The following ALK variants were observed in gnomAD, a reference collection of about 807,000 sequenced individuals.
The protein encoded by ALK is ALK receptor tyrosine kinase, also known as ALK tyrosine kinase receptor.
Under a neutral mutation model 163.1 loss-of-function variants are expected in ALK, and 74 were observed. The observed-to-expected ratio is 0.45, with a 90% CI of 0.38 to 0.55. The LOEUF is 0.55. ALK is among the 20% of genes least tolerant of loss of function. The probability of loss-of-function intolerance (pLI) is 0.00; values close to 1 mark genes in which losing one functional copy is unlikely to be tolerated. For missense variants in ALK, 2,063 were observed against 2,105.3 expected, an observed-to-expected ratio of 0.98 and a Z score of 0.39; for synonymous variants, 960 against 843.2, an observed-to-expected ratio of 1.14 and a Z score of -2.40.
chr2:29,502,704 G>A (rs76676972), intron 4 of ALK, among the ~76,000 whole-genome samples: 2,022 of 151,540 alleles, frequency 0.013, 59 homozygotes, highest in African/African-American at 0.047. Context: ...TTTTTACTCC[G>A]CCTGAAAGCA....
intron 3 of ALK, among the ~76,000 whole-genome samples, chr2:29,667,538 T>G (rs1005373002): frequency 9.2e-5 from 14 of 152,250 alleles, no homozygotes; most frequent in Admixed American, 7.8e-4. Flanking sequence ...ACATTAAATT[T>G]TATCAAATGC....
intron 4 of ALK, among the ~76,000 whole-genome samples, chr2:29,503,307 C>T (rs1672234303): frequency 6.6e-6 from 1 of 152,298 alleles, no homozygotes; most frequent in Middle Eastern, 3.4e-3. Flanking sequence ...GGGATCTGGT[C>T]TATTGGATTT....
chr2:29,223,843 AGATT>A (rs1327506358), intron 19 of ALK: 2 of 429,704 alleles, frequency 4.7e-6, no homozygotes, highest in Non-Finnish European at 8.5e-6. Context: ...TATGGTCTGC[AGATT>A]TTATTAGAAG....
chr2:29,572,979 G>A (rs1383218540), intron 3 of ALK, among the ~76,000 whole-genome samples: 10 of 152,132 alleles, frequency 6.6e-5, no homozygotes, highest in Admixed American at 1.3e-4. Flanking sequence ...TCCTCCTCAG[G>A]CCCTGGCTTC....
chr2:29,697,248 G>A (rs986496146), intron 2 of ALK, among the ~76,000 whole-genome samples: 3 of 151,990 alleles, frequency 2.0e-5, no homozygotes, highest in Admixed American at 6.6e-5. Flanking sequence ...TCTACCCTTC[G>A]ATCTCCTCTC....
At chr2:29,290,920 G>A (rs917944828) in intron 9 of ALK, among the ~76,000 whole-genome samples, 6 of 152,110 alleles carry the variant, frequency 3.9e-5, no homozygotes, top group East Asian at 1.9e-4. Context: ...GGGGCCGTGC[G>A]GGGAATGGTC....
chr2:29,318,083 A>C (rs1237467132), intron 8 of ALK, among the ~76,000 whole-genome samples: 2 of 152,230 alleles, frequency 1.3e-5, no homozygotes, highest in African/African-American at 4.8e-5. Flanking sequence ...CAAGTAGTTC[A>C]GTGCAGCTGG....
At chr2:29,404,579 T>C (rs1190010877) in intron 4 of ALK, among the ~76,000 whole-genome samples, 2 of 152,142 alleles carry the variant, frequency 1.3e-5, no homozygotes, top group African/African-American at 4.8e-5. Context: ...CAGAGTAGTA[T>C]GAAATAAAAA....
chr2:29,209,907 T>C (rs1367186172), intron 24 of ALK, 29 bp from the exon 25 acceptor site: 1 of 1,569,600 alleles, frequency 6.4e-7, no homozygotes, highest in Non-Finnish European at 8.8e-7. Flanking sequence ...CATTTCCTAA[T>C]TTTATCCCTA....
At chr2:29,538,737 T>C in intron 3 of ALK, among the ~76,000 whole-genome samples, 1 of 152,186 alleles carries the variant, frequency 6.6e-6, no homozygotes, top group East Asian at 1.9e-4. Flanking sequence ...AAAATTTTTT[T>C]TTAAGGATTT....
chr2:29,293,081 G>T (rs771378378), intron 9 of ALK, among the ~76,000 whole-genome samples: 34 of 152,208 alleles, frequency 2.2e-4, no homozygotes, highest in Non-Finnish European at 4.4e-4. Flanking sequence ...AGTCCCTAAA[G>T]ATAATTCCTT....
At chr2:29,364,349 A>G (rs1208416380) in intron 5 of ALK, among the ~76,000 whole-genome samples, 4 of 152,168 alleles carry the variant, frequency 2.6e-5, no homozygotes, top group Non-Finnish European at 4.4e-5. Context: ...ACTTCTCTGC[A>G]TCATGGGTCG....
intron 3 of ALK, among the ~76,000 whole-genome samples, chr2:29,622,683 C>A (rs987648726): frequency 6.6e-6 from 1 of 152,266 alleles, no homozygotes; most frequent in Non-Finnish European, 1.5e-5. Context: ...TCCAACACAC[C>A]AATACCCAGT....
At chr2:29,848,927 C>T (rs769464443) in intron 1 of ALK, among the ~76,000 whole-genome samples, 5 of 152,208 alleles carry the variant, frequency 3.3e-5, no homozygotes, top group South Asian at 2.1e-4. Flanking sequence ...GGCAGCTCTA[C>T]GTGGACTGAT....
At chr2:29,784,423 C>T (rs1156953360) in intron 1 of ALK, among the ~76,000 whole-genome samples, 1 of 152,112 alleles carries the variant, frequency 6.6e-6, no homozygotes, top group East Asian at 1.9e-4. Flanking sequence ...AGGCTGGGCA[C>T]AGTGGCTCAC....
intron 1 of ALK, among the ~76,000 whole-genome samples, chr2:29,785,910 TATACACACACACACAC>T (rs1485942352): frequency 1.6e-5 from 2 of 128,536 alleles, no homozygotes; most frequent in Non-Finnish European, 3.1e-5. Flanking sequence ...TGTTTTTGAG[TATACACACACACACAC>T]ACACACACAC....
chr2:29,358,104 G>C (rs1387653090), intron 5 of ALK, among the ~76,000 whole-genome samples: 2 of 152,200 alleles, frequency 1.3e-5, no homozygotes, highest in African/African-American at 4.8e-5. Flanking sequence ...TGCAGAACCA[G>C]AGTCCATAAC....
At chr2:29,283,293 C>T (rs538047973) in intron 9 of ALK, among the ~76,000 whole-genome samples, 2 of 152,308 alleles carry the variant, frequency 1.3e-5, no homozygotes, top group South Asian at 2.1e-4. Context: ...ATATGTACTC[C>T]GTACCATCGG....
At chr2:29,697,152 T>G (rs371518165) in intron 2 of ALK, among the ~76,000 whole-genome samples, 53 of 152,286 alleles carry the variant, frequency 3.5e-4, no homozygotes, top group African/African-American at 1.2e-3. Flanking sequence ...TGAAAAATGC[T>G]AGCCAGGCCC....
Sources: allele counts gnomAD v4.1 joint callset (sites outside exome capture counted in the v4.1 genomes callset), GRCh38; gene constraint gnomAD v4.1.1; transcripts MANE v1.5; gene names NCBI Gene and HGNC (gene_info 2026-07-23, HGNC 2026-07-21).